RET: variants seen among roughly 807,000 people sequenced by gnomAD.
RET encodes proto-oncogene tyrosine-protein kinase receptor Ret.
RET carries 19 observed loss-of-function variants against 118.3 expected under a neutral mutation model. That is an observed-to-expected ratio of 0.16 (90% CI 0.11 to 0.24). RET has a LOEUF of 0.24. Ranked by LOEUF, RET falls within the 10% of genes least tolerant of loss-of-function variation. The probability of loss-of-function intolerance (pLI) is 1.00; values close to 1 mark genes in which losing one functional copy is unlikely to be tolerated. For missense variants in RET, 1,219 were observed against 1,502.1 expected (o/e 0.81, Z 3.12); for synonymous variants, 597 against 644.1 (o/e 0.93, Z 1.11).
intron 3 of RET, among the ~76,000 whole-genome samples, chr10:43,104,509 T>TC (rs910628051): frequency 2.0e-5 from 3 of 151,654 alleles, no homozygotes; most frequent in African/African-American, 7.3e-5. Context: ...ACAGCGAGAC[T>TC]CCATCAAAAA....
At chr10:43,111,100 C>T in intron 6 of RET, 107 bp from the exon 7 acceptor site, 2 of 1,530,872 alleles carry the variant, frequency 1.3e-6, no homozygotes, top group Non-Finnish European at 1.8e-6. Context: ...GTCTCCAGGC[C>T]CAGTTGGGGG....
intron 19 of RET, 62 bp from the exon 20 acceptor site, chr10:43,128,050 A>C (rs1050944476): frequency 3.8e-6 from 6 of 1,579,432 alleles, no homozygotes; most frequent in Non-Finnish European, 4.3e-6. Flanking sequence ...CCAAGGCCTT[A>C]CTGTCTGCAC....
At position 43,077,238 on chromosome 10, in the gene RET, T is replaced by C; in HGVS notation, c.-21T>C. The C allele has an allele frequency of 6.7e-7, 1 of 1,494,846 alleles. No homozygotes were observed. The highest frequency in any genetic ancestry group is 8.9e-7 in the Non-Finnish European group (1 of 1,127,406). The allele number at this position is 1,494,846 out of a possible 1,614,324, so 92.6% of individuals were successfully genotyped here. On this transcript the variant is annotated 5_prime_UTR_variant, in exon 1 of 20. Transcript: ENST00000355710. ...GCCCTAGCCGCAGTCCCTCCAGCCG[T>C]GGCCCCAGCGCGCACGGGCGATGGC... is the stretch of plus-strand genomic sequence containing the variant.
chr10:43,079,356 T>G (rs1445326661), intron 1 of RET, among the ~76,000 whole-genome samples: 1 of 152,182 alleles, frequency 6.6e-6, no homozygotes, highest in Non-Finnish European at 1.5e-5. Context: ...CGTGTGTATA[T>G]AGGGACACAC....
In RET at chr10:43,109,300, GGT is replaced by G. The variant is rs375685394; in HGVS notation, c.1263+72_1263+73del. The G allele has an allele frequency of 4.7e-6, 7 of 1,491,852 alleles. No homozygotes were observed. In the African/African-American group the frequency reaches 9.7e-5, roughly 21 times the overall value. 92.4% of individuals were successfully genotyped at this position (1,491,852 alleles called of 1,614,324 possible). On this transcript the variant is annotated intron_variant, in intron 6 of 19. Transcript: ENST00000355710. ...AGGGACATGGGGGCACAGGGAGGCAGGTGACACTGCCTCTTGGCCCAACCAGC... is the reference window on the plus strand; with the variant it reads ...AGGGACATGGGGGCACAGGGAGGCAGGACACTGCCTCTTGGCCCAACCAGC...
Position 43,090,053 on chromosome 10 carries a change from T to C in RET, c.74-10406T>C, listed in dbSNP as rs575690348. Among the ~76,000 whole-genome samples the C allele has an allele frequency of 3.9e-5, 6 of 152,276 alleles. No individual in the cohort carries two copies. The South Asian group carries it at 1.2e-3, about 32-fold the overall frequency. ...ACCAGGGCCCGGAGTGAGGGGCTGA[T>C]GGCAGGGGCATGCAGGCAGCTGCAC... On this transcript the variant is annotated intron_variant, in intron 1 of 19. Coordinates refer to ENST00000355710, the MANE Select transcript of RET (RefSeq NM_020975.6).
At chr10:43,082,411 C>T (rs891697057) in intron 1 of RET, among the ~76,000 whole-genome samples, 12 of 152,216 alleles carry the variant, frequency 7.9e-5, no homozygotes, top group Non-Finnish European at 1.6e-4. Context: ...GAAAGGTCAC[C>T]GCTGCACCTG....
rs140658743 is a variant in RET, at chr10:43,118,386, G to A, written c.2298G>A (p.Pro766=). Residue 766 remains proline, a synonymous_variant, in exon 13 of 20, where the codon CCG becomes CCA. Transcript: ENST00000355710. Reference sequence around the variant, plus strand: ...GCTGCATTTCAGAGAACGCCTCCCCGAGTGAGCTGCGAGACCTGCTGTCAG... The same window carrying A: ...GCTGCATTTCAGAGAACGCCTCCCCAAGTGAGCTGCGAGACCTGCTGTCAG... The part of the protein sequence containing the change: ...AVKMLKENAS[P]SELRDLLSEF... The A allele has an allele frequency of 5.5e-5, 89 of 1,613,860 alleles. No individual in the cohort carries two copies. The highest frequency in any genetic ancestry group is 1.4e-4 in the South Asian group (13 of 91,080).
chr10:43,115,854 A>G (rs1838059363), intron 11 of RET, among the ~76,000 whole-genome samples: 1 of 152,202 alleles, frequency 6.6e-6, no homozygotes, highest in African/African-American at 2.4e-5. Context: ...AAGCCATGGC[A>G]GTGTCGACAC....
At chr10:43,104,821 G>A in intron 3 of RET, 131 bp from the exon 4 acceptor site, 1 of 1,359,058 alleles carries the variant, frequency 7.4e-7, no homozygotes, top group Non-Finnish European at 9.9e-7. Flanking sequence ...CCCCTGTGGA[G>A]CGGAGGAGGG....
intron 9 of RET, 53 bp downstream of exon 9, chr10:43,113,016 C>A (rs1837977321): frequency 6.8e-7 from 1 of 1,472,350 alleles, no homozygotes; most frequent in South Asian, 1.1e-5. Context: ...GTAGGGGAAA[C>A]CTGGATCCCA....
intron 3 of RET, 129 bp from the exon 4 acceptor site, chr10:43,104,823 G>A (rs1837721886): frequency 3.7e-6 from 5 of 1,358,952 alleles, no homozygotes; most frequent in South Asian, 1.4e-5. Flanking sequence ...CCTGTGGAGC[G>A]GAGGAGGGGA....
At chr10:43,082,867 A>G (rs1837215011) in intron 1 of RET, among the ~76,000 whole-genome samples, 1 of 152,238 alleles carries the variant, frequency 6.6e-6, no homozygotes, top group Non-Finnish European at 1.5e-5. Flanking sequence ...CTGGAGGTGC[A>G]GCATGAGCTG....
chr10:43,119,250 G>A (rs1339493021), intron 13 of RET, among the ~76,000 whole-genome samples: 1 of 152,222 alleles, frequency 6.6e-6, no homozygotes, highest in Non-Finnish European at 1.5e-5. Flanking sequence ...GCATCAGGGA[G>A]GGGTGCCTCC....
chr10:43,092,179 C>T (rs898068394), intron 1 of RET, among the ~76,000 whole-genome samples: 1 of 152,208 alleles, frequency 6.6e-6, no homozygotes, highest in Admixed American at 6.5e-5. Context: ...AAATTTGCCA[C>T]ATCCTATGCC....
intron 1 of RET, 121 bp from the exon 2 acceptor site, chr10:43,100,338 C>A: frequency 8.6e-7 from 1 of 1,158,676 alleles, no homozygotes; most frequent in Non-Finnish European, 1.3e-6. Flanking sequence ...TTCATGTTCT[C>A]AGGAACAGAG....
At chr10:43,087,480 A>C (rs1216977317) in intron 1 of RET, among the ~76,000 whole-genome samples, 1 of 152,266 alleles carries the variant, frequency 6.6e-6, no homozygotes, top group Non-Finnish European at 1.5e-5. Context: ...CATCATCTGC[A>C]GAGACCAGTG....
chr10:43,124,567 T>C (rs1160945333), intron 17 of RET, among the ~76,000 whole-genome samples: 4 of 152,234 alleles, frequency 2.6e-5, no homozygotes, highest in African/African-American at 9.6e-5. Context: ...AAGCATAGTA[T>C]CCAGTGAGCT....
At chr10:43,077,997 G>A (rs1462579375) in intron 1 of RET, among the ~76,000 whole-genome samples, 1 of 152,248 alleles carries the variant, frequency 6.6e-6, no homozygotes, top group Admixed American at 6.5e-5. Context: ...CTGCCTGGCA[G>A]AGATGCTGAA....
Sources: allele counts gnomAD v4.1 joint callset (sites outside exome capture counted in the v4.1 genomes callset), GRCh38; gene constraint gnomAD v4.1.1; transcripts MANE v1.5; gene names NCBI Gene and HGNC (gene_info 2026-07-23, HGNC 2026-07-21).